DMKN: variants seen among roughly 807,000 people sequenced by gnomAD.
The protein encoded by DMKN is dermokine, also known as epidermis-specific secreted protein SK30/SK89.
DMKN carries 58 observed loss-of-function variants against 67.6 expected under a neutral mutation model. The observed-to-expected ratio is 0.86, with a 90% CI of 0.69 to 1.07. The LOEUF is 1.07. DMKN is among the 50% of genes least tolerant of loss of function. The probability of loss-of-function intolerance (pLI) is 0.00; values close to 1 mark genes in which losing one functional copy is unlikely to be tolerated. For synonymous variants in DMKN, 240 were observed against 232.3 expected (o/e 1.03, Z -0.30); for missense variants, 596 against 601.5 (o/e 0.99, Z 0.10).
In DMKN at chr19:35,511,504, G is replaced by GCCACTGCTGCTA; in HGVS notation, c.824_825insTAGCAGCAGTGG (p.Ser276_Gly279dup). 1 of 1,112,220 alleles carries GCCACTGCTGCTA rather than the reference G, an allele frequency of 9.0e-7. No individual in the cohort carries two copies. Among genetic ancestry groups the GCCACTGCTGCTA allele is most frequent in the Non-Finnish European group, 1.2e-6 (1 of 850,924 alleles). 68.9% of individuals were successfully genotyped at this position (1,112,220 alleles called of 1,614,324 possible). On this transcript the variant is annotated inframe_insertion, in exon 5 of 16. Transcript: ENST00000339686. Reference sequence around the variant, plus strand: ...CGCCACTGCTGCCGCCACTGCTGCTGCCACTGCTGCTGCCACCACTGCTGC... The same window carrying GCCACTGCTGCTA: ...CGCCACTGCTGCCGCCACTGCTGCTGCCACTGCTGCTACCACTGCTGCTGCCACCACTGCTGC...
Position 35,499,753 on chromosome 19 carries a change from G to C in DMKN, c.1359+205C>G, listed in dbSNP as rs780170432. ...ACCTTTTCTGACTGGGTGGGTGTGAGGCGCATTGAACCCTCCTGCCCTCCA... is the reference window on the plus strand; with the variant it reads ...ACCTTTTCTGACTGGGTGGGTGTGACGCGCATTGAACCCTCCTGCCCTCCA... On this transcript the variant is annotated intron_variant, in intron 13 of 15. Transcript: ENST00000339686. 611 of 561,824 alleles carry C rather than the reference G, an allele frequency of 1.1e-3. 1 individual carries two copies. Among genetic ancestry groups the C allele is most frequent in the Non-Finnish European group, 1.7e-3 (539 of 316,852 alleles). The allele number at this position is 561,824 out of a possible 1,614,324, so 34.8% of individuals were successfully genotyped here. A position where few individuals can be genotyped will look rare whatever the true frequency, so the allele number is the denominator to read the frequency against.
In DMKN at chr19:35,502,125, G is replaced by GC. The variant is rs529122079; in HGVS notation, c.1239+10dup. ...CTGTGTCCCAGAGCTGAGAAGTCCT[G>GC]CCCCCCTTACCTCAATAATTGCTTT... On this transcript the variant is annotated intron_variant, in intron 11 of 15. Transcript: ENST00000339686. 5.2e-4 allele frequency: 832 copies of GC among 1,614,140 alleles called. 6 individuals are homozygous for GC. In the African/African-American group the frequency reaches 0.01, roughly 20 times the overall value.
intron 11 of DMKN, 96 bp downstream of exon 11, chr19:35,502,040 A>T (rs2068486144): frequency 6.3e-7 from 1 of 1,599,176 alleles, no homozygotes; most frequent in Non-Finnish European, 8.6e-7. Context: ...GAAAGTGGGA[A>T]GGGAGGGGAA....
chr19:35,509,913 G>C lies in DMKN; in HGVS notation c.1036C>G (p.Gln346Glu). 2 of 1,614,234 alleles carry C rather than the reference G, an allele frequency of 1.2e-6. No individual in the cohort carries two copies. The highest frequency in any genetic ancestry group is 1.7e-6 in the Non-Finnish European group (2 of 1,180,036). Reference sequence around the variant, plus strand: ...ACTTAAGAGACTTTGGCTCTCACCTGAATCCCAGATTCCCCGCTCCCGCGG... The same window carrying C: ...ACTTAAGAGACTTTGGCTCTCACCTCAATCCCAGATTCCCCGCTCCCGCGG... The part of the protein sequence containing the change: ...EARGSGESGI[Q>E]NSETSPGMFN... Residue 346 changes from glutamine to glutamate, a missense_variant and splice_region_variant, in exon 7 of 16, where the codon CAG (glutamine) becomes GAG (glutamate). By Grantham distance (29) the Gln-to-Glu change is conservative (BLOSUM62 2). Transcript: ENST00000339686.
intron 7 of DMKN, chr19:35,507,644 C>T: frequency 1.4e-6 from 1 of 721,180 alleles, no homozygotes; most frequent in East Asian, 2.8e-5. Context: ...AGAGGACTTC[C>T]CAGAGGCCTG....
intron 5 of DMKN, among the ~76,000 whole-genome samples, chr19:35,510,737 C>CT (rs1258842056): frequency 6.6e-6 from 1 of 152,166 alleles, no homozygotes; most frequent in African/African-American, 2.4e-5. Context: ...CTGTCTGACA[C>CT]TTTTCCCGAC....
At position 35,513,456 on chromosome 19, in the gene DMKN, A is replaced by T; in HGVS notation, c.20T>A (p.Leu7Gln). The change falls in exon 1 of 16, where the codon CTG (leucine) becomes CAG (glutamine). Residue 7 changes from leucine (L) to glutamine (Q), a missense_variant. By Grantham distance (113) the Leu-to-Gln change is moderately radical (BLOSUM62 -2). Transcript: ENST00000339686. MKFQGP[L>Q]ACLLLALCLG... ...GCAGAGGGCCAGCAGGAGGCAGGCC[A>T]GGGGCCCCTGGAACTTCATCTCTGC... The T allele has an allele frequency of 6.3e-7, 1 of 1,599,016 alleles. No homozygotes were observed. Among genetic ancestry groups the T allele is most frequent in the Non-Finnish European group, 8.5e-7 (1 of 1,179,252 alleles).
intron 13 of DMKN, 80 bp from the exon 14 acceptor site, chr19:35,498,977 C>T (rs568720181): frequency 9.3e-6 from 15 of 1,606,754 alleles, no homozygotes; most frequent in Non-Finnish European, 1.2e-5. Flanking sequence ...CATGAAGGGC[C>T]CAGCAGCAAG....
chr19:35,513,059 A>G lies in DMKN; in HGVS notation c.417T>C (p.Asn139=), dbSNP rs768530712. Residue 139 remains asparagine (N), a synonymous_variant, in exon 1 of 16, where the codon AAT becomes AAC. Transcript: ENST00000339686. The part of the protein sequence containing the change: ...RGSWQGVPGH[N]GAWETSGGHG... ...CCCCACAGCCACTCACCCAAGCACC[A>G]TTGTGGCCAGGCACCCCCTGCCAGG... 6.2e-6 allele frequency: 10 copies of G among 1,613,450 alleles called. No individual in the cohort carries two copies. The East Asian group carries it at 2.0e-4, about 32-fold the overall frequency.
chr19:35,512,653 A>G lies in DMKN; in HGVS notation c.564T>C (p.Pro188=). 6.2e-7 allele frequency: 1 copy of G among 1,614,180 alleles called. No individual in the cohort carries two copies. The highest frequency in any genetic ancestry group is 1.1e-5 in the South Asian group (1 of 91,084). ...GNSAGSFGMN[P]QGAPWGQGGN... ...CTCCTTGACCCCAGGGAGCTCCCTG[A>G]GGATTCATTCCAAAGCTGCCTGCTG... Residue 188 remains proline (P), a synonymous_variant, in exon 2 of 16, where the codon CCT becomes CCC. Coordinates refer to ENST00000339686, the MANE Select transcript of DMKN (RefSeq NM_033317.5).
In DMKN at chr19:35,511,669, C is replaced by T; in HGVS notation, c.736-76G>A. 1.9e-6 allele frequency: 3 copies of T among 1,592,572 alleles called. No homozygotes were observed. The Admixed American group carries it at 5.1e-5, about 27-fold the overall frequency. On this transcript the variant is annotated intron_variant, in intron 4 of 15. Transcript: ENST00000339686. ...CGGGCCCCTCCTCCCTCCCTCTCCA[C>T]CCAGGCCATATTCCATGATGCCCAG...
At chr19:35,503,588 G>A in intron 9 of DMKN, 1 of 1,203,086 alleles carries the variant, frequency 8.3e-7, no homozygotes, top group South Asian at 1.5e-5. Context: ...CGATTCTCCT[G>A]CCTCAGCCTC....
intron 7 of DMKN, chr19:35,509,593 G>A: frequency 3.5e-6 from 1 of 288,020 alleles, no homozygotes; most frequent in South Asian, 8.0e-5. Flanking sequence ...GAATCCCCCA[G>A]AGTTCACCAC....
At chr19:35,500,924 C>T (rs961308552) in intron 11 of DMKN, among the ~76,000 whole-genome samples, 2 of 152,234 alleles carry the variant, frequency 1.3e-5, no homozygotes, top group African/African-American at 2.4e-5. Flanking sequence ...TCTGCCTGCA[C>T]CAAGTCCTGC....
At chr19:35,506,753 C>G in intron 7 of DMKN, 1 of 309,206 alleles carries the variant, frequency 3.2e-6, no homozygotes, top group Non-Finnish European at 6.5e-6. Context: ...GTGGGTCACG[C>G]CTGTAATCCC....
In DMKN at chr19:35,505,759, T is replaced by C. The variant is rs747153529; in HGVS notation, c.1093A>G (p.Lys365Glu). Residue 365 changes from lysine to glutamate, a missense_variant, in exon 9 of 16, where the codon AAA becomes GAA. Coordinates refer to ENST00000339686, the MANE Select transcript of DMKN (RefSeq NM_033317.5). ...FNFDTFWKNFKSKLGFINWDA... is the reference protein window; with the variant it reads ...FNFDTFWKNFESKLGFINWDA... ...CAGTTGATGAAACCCAGCTTGGATT[T>C]AAAATTCTATGGAGGAAACAAAAAG... 6.2e-7 allele frequency: 1 copy of C among 1,613,992 alleles called. No homozygotes were observed. Among genetic ancestry groups the C allele is most frequent in the Non-Finnish European group, 8.5e-7 (1 of 1,180,036 alleles).
chr19:35,506,543 C>T (rs1036404034), intron 7 of DMKN: 9 of 489,100 alleles, frequency 1.8e-5, no homozygotes, highest in South Asian at 6.2e-5. Context: ...GTCTGGACTC[C>T]ACAACACCTT....
chr19:35,511,668 A>C lies in DMKN; in HGVS notation c.736-75T>G, dbSNP rs1568641806. 13 of 1,591,204 alleles carry C rather than the reference A, an allele frequency of 8.2e-6. No homozygotes were observed. In the Middle Eastern group the frequency reaches 5.1e-4, roughly 63 times the overall value. ...ACGGGCCCCTCCTCCCTCCCTCTCC[A>C]CCCAGGCCATATTCCATGATGCCCA... On this transcript the variant is annotated intron_variant, in intron 4 of 15. Coordinates refer to ENST00000339686, the MANE Select transcript of DMKN (RefSeq NM_033317.5).
At chr19:35,506,021 A>G in intron 7 of DMKN, 35 bp from the exon 8 acceptor site, 1 of 1,614,022 alleles carries the variant, frequency 6.2e-7, no homozygotes, top group Non-Finnish European at 8.5e-7. Context: ...TGAGAGAAGA[A>G]CCCACTTTGT....
Sources: allele counts gnomAD v4.1 joint callset (sites outside exome capture counted in the v4.1 genomes callset), GRCh38; gene constraint gnomAD v4.1.1; transcripts MANE v1.5; gene names NCBI Gene and HGNC (gene_info 2026-07-23, HGNC 2026-07-21).